The following TEC variants were observed in gnomAD, a reference collection of about 807,000 sequenced individuals.
The protein encoded by TEC is tec protein tyrosine kinase, also known as tyrosine-protein kinase Tec.
In TEC, 72 loss-of-function variants were observed where a neutral mutation model predicts 93.0. The ratio of observed to expected loss-of-function variants is 0.77; its 90% CI spans 0.64 to 0.94. The LOEUF (loss-of-function observed/expected upper bound fraction) is 0.94, where lower values mean the gene tolerates loss of function less well. Among genes scored for constraint, TEC ranks in the 40% least tolerant of loss-of-function variants. TEC has a pLI of 0.00. For synonymous variants in TEC, 249 were observed against 247.7 expected, an observed-to-expected ratio of 1.01 and a Z score of -0.05; for missense variants, 630 against 757.9, an observed-to-expected ratio of 0.83 and a Z score of 1.98.
chr4:48,160,873 T>C (rs1720629264), intron 8 of TEC, among the ~76,000 whole-genome samples: 1 of 77,324 alleles, frequency 1.3e-5, no homozygotes, highest in South Asian at 5.7e-4. Flanking sequence ...AAGGAATTAA[T>C]TCAAAAGCAG....
chr4:48,267,501 C>T (rs1014974321), intron 1 of TEC, among the ~76,000 whole-genome samples: 7 of 152,186 alleles, frequency 4.6e-5, no homozygotes, highest in South Asian at 2.1e-4. Context: ...ATAACCACAT[C>T]GTACAGGATA....
chr4:48,206,994 A>G (rs1012570797), intron 2 of TEC, among the ~76,000 whole-genome samples: 1 of 152,042 alleles, frequency 6.6e-6, no homozygotes, highest in Non-Finnish European at 1.5e-5. Context: ...AACCCCACAA[A>G]TAAAGAACGA....
intron 14 of TEC, 104 bp downstream of exon 14, chr4:48,144,975 T>A: frequency 6.1e-6 from 6 of 978,182 alleles, no homozygotes; most frequent in Non-Finnish European, 9.5e-6. Context: ...GGTGAAAGAT[T>A]GTTAAGAACA....
intron 8 of TEC, 51 bp downstream of exon 8, chr4:48,163,651 A>G: frequency 8.4e-7 from 1 of 1,196,894 alleles, no homozygotes; most frequent in South Asian, 1.5e-5. Context: ...CATAATTAGG[A>G]AAATGAAAAG....
In TEC at chr4:48,163,740, G is replaced by A. The variant is rs16861083; in HGVS notation, c.699C>T (p.Tyr233=). The part of the protein sequence containing the change: ...YGNEGYIPSN[Y]VTGKKSNNLD... ...AGTTGTTTGATTTCTTTCCCGTTAC[G>A]TAATTACTTGGGATATATCCTTCAT... The change falls in exon 8 of 18, where the codon TAC becomes TAT. Residue 233 remains tyrosine, a synonymous_variant. Coordinates refer to ENST00000381501, the MANE Select transcript of TEC (RefSeq NM_003215.3). 0.045 allele frequency: 67,476 copies of A among 1,485,388 alleles called. 1,921 individuals are homozygous for A. The highest frequency in any genetic ancestry group is 0.078 in the African/African-American group (5,584 of 71,482). 92.0% of individuals were successfully genotyped at this position (1,485,388 alleles called of 1,614,324 possible).
At chr4:48,209,469 T>C (rs370624805) in intron 2 of TEC, among the ~76,000 whole-genome samples, 4 of 151,756 alleles carry the variant, frequency 2.6e-5, no homozygotes, top group South Asian at 4.2e-4. Flanking sequence ...AAATAATTAG[T>C]TGGGCATGGT....
intron 3 of TEC, among the ~76,000 whole-genome samples, chr4:48,173,971 C>T (rs766532956): frequency 6.6e-6 from 1 of 152,190 alleles, no homozygotes; most frequent in Non-Finnish European, 1.5e-5. Flanking sequence ...ATTGTTTTCA[C>T]TTTGCATCTG....
chr4:48,252,369 G>A (rs771883286), intron 1 of TEC, among the ~76,000 whole-genome samples: 1 of 152,222 alleles, frequency 6.6e-6, no homozygotes, highest in Non-Finnish European at 1.5e-5. Context: ...GTATCTCACT[G>A]AGTCTGTTGA....
chr4:48,219,460 T>G (rs1723183795), intron 2 of TEC, among the ~76,000 whole-genome samples: 1 of 152,356 alleles, frequency 6.6e-6, no homozygotes, highest in Non-Finnish European at 1.5e-5. Context: ...GCTTCAATGG[T>G]CACGCTCCTT....
intron 2 of TEC, among the ~76,000 whole-genome samples, chr4:48,216,189 A>G (rs759751503): frequency 4.7e-5 from 7 of 150,330 alleles, no homozygotes; most frequent in Non-Finnish European, 1.0e-4. Flanking sequence ...TCTGCCCATC[A>G]TTGCTCACAT....
intron 2 of TEC, among the ~76,000 whole-genome samples, chr4:48,202,060 C>G (rs1722540279): frequency 6.6e-6 from 1 of 150,770 alleles, no homozygotes; most frequent in Admixed American, 6.6e-5. Flanking sequence ...GGGTTCACGC[C>G]ATTCTCCTGC....
chr4:48,227,858 C>T lies in TEC; in HGVS notation c.138+619G>A, dbSNP rs114000385. Among the ~76,000 whole-genome samples, 584 of 152,154 alleles carry T rather than the reference C, an allele frequency of 3.8e-3. 2 individuals carry two copies. The highest frequency in any genetic ancestry group is 0.013 in the African/African-American group (557 of 41,500). On this transcript the variant is annotated intron_variant, in intron 2 of 17. Coordinates refer to ENST00000381501, the MANE Select transcript of TEC (RefSeq NM_003215.3). ...ACCAGAGGTGATTGCACATTCAAGG[C>T]CTCATCTAGCAGTGGAAGGAGAAGC...
intron 1 of TEC, among the ~76,000 whole-genome samples, chr4:48,252,810 T>C (rs1724238748): frequency 6.6e-6 from 1 of 152,238 alleles, no homozygotes; most frequent in South Asian, 2.1e-4. Context: ...CTCATAAATG[T>C]AGGAACACTG....
intron 2 of TEC, among the ~76,000 whole-genome samples, chr4:48,178,968 C>T (rs1721443250): frequency 6.6e-6 from 1 of 152,124 alleles, no homozygotes; most frequent in South Asian, 2.1e-4. Context: ...ATGATCAAAC[C>T]AAACGGTCTT....
chr4:48,171,595 A>T, intron 3 of TEC, 146 bp from the exon 4 acceptor site: 1 of 536,552 alleles, frequency 1.9e-6, no homozygotes, highest in Middle Eastern at 3.4e-4. Flanking sequence ...AACCCAGGTT[A>T]CTTTCTTACA....
Position 48,213,630 on chromosome 4 carries a change from G to A in TEC, c.138+14847C>T, listed in dbSNP as rs17609088. Among the ~76,000 whole-genome samples, 1,274 of 152,286 alleles carry A rather than the reference G, an allele frequency of 8.4e-3. 41 individuals are homozygous for A. Among genetic ancestry groups the A allele is most frequent in the East Asian group, 0.059 (308 of 5,184 alleles). Reference sequence around the variant, plus strand: ...TCAACCTATGGCTAACAGTTGGTGTGTCTGAAATAGTTTTAGAAACAACTC... The same window carrying A: ...TCAACCTATGGCTAACAGTTGGTGTATCTGAAATAGTTTTAGAAACAACTC... On this transcript the variant is annotated intron_variant, in intron 2 of 17. Transcript: ENST00000381501.
At chr4:48,229,372 A>G (rs1723581574) in intron 1 of TEC, among the ~76,000 whole-genome samples, 1 of 152,230 alleles carries the variant, frequency 6.6e-6, no homozygotes, top group Admixed American at 6.5e-5. Context: ...GAGCCTTTTA[A>G]AATTCAACAC....
intron 1 of TEC, among the ~76,000 whole-genome samples, chr4:48,253,379 T>C (rs1724259954): frequency 6.6e-6 from 1 of 152,086 alleles, no homozygotes; most frequent in South Asian, 2.1e-4. Flanking sequence ...AAGCCCGTAG[T>C]CTTATTATGA....
intron 2 of TEC, among the ~76,000 whole-genome samples, chr4:48,191,197 G>GAGAT (rs1288528281): frequency 6.6e-6 from 1 of 152,160 alleles, no homozygotes; most frequent in Non-Finnish European, 1.5e-5. Context: ...GATTAATTGT[G>GAGAT]AGATGCTCAC....
Sources: allele counts gnomAD v4.1 joint callset (sites outside exome capture counted in the v4.1 genomes callset), GRCh38; gene constraint gnomAD v4.1.1; transcripts MANE v1.5; gene names NCBI Gene and HGNC (gene_info 2026-07-23, HGNC 2026-07-21).